The following PAX5 variants were observed in gnomAD, a reference collection of about 807,000 sequenced individuals.
PAX5 encodes the protein paired box 5, also known as paired box protein Pax-5.
A neutral mutation model predicts 43.7 loss-of-function variants in PAX5; 9 were observed. The ratio of observed to expected loss-of-function variants is 0.21; its 90% CI spans 0.12 to 0.36. PAX5 has a LOEUF of 0.36. Ranked by LOEUF, PAX5 falls within the 10% of genes least tolerant of loss-of-function variation. PAX5 has a pLI of 1.00. For synonymous variants in PAX5, 228 were observed against 214.3 expected (o/e 1.06, Z -0.56); for missense variants, 383 against 532.7 (o/e 0.72, Z 2.77).
intron 6 of PAX5, among the ~76,000 whole-genome samples, chr9:36,953,546 T>C (rs1833187077): frequency 6.6e-6 from 1 of 152,192 alleles, no homozygotes; most frequent in African/African-American, 2.4e-5. Flanking sequence ...TGCTTTTCAG[T>C]GTGGGAAAGT....
At chr9:36,962,736 T>C (rs1301042408) in intron 6 of PAX5, among the ~76,000 whole-genome samples, 2 of 152,160 alleles carry the variant, frequency 1.3e-5, no homozygotes, top group African/African-American at 4.8e-5. Flanking sequence ...CAGTAAGTGC[T>C]CTTTGTTCCC....
Position 36,840,299 on chromosome 9 carries a change from G to C in PAX5, c.*261C>G. 1.7e-6 allele frequency: 1 copy of C among 591,514 alleles called. No individual in the cohort carries two copies. Among genetic ancestry groups the C allele is most frequent in the South Asian group, 2.0e-5 (1 of 50,392 alleles). 36.6% of individuals were successfully genotyped at this position (591,514 alleles called of 1,614,324 possible). A position where few individuals can be genotyped will look rare whatever the true frequency, so the allele number is the denominator to read the frequency against. ...TGGGGCTGCGGTTATTTGCAGGACA[G>C]TCTATTGGTTTGCAGAGACCCAGTG... On this transcript the variant is annotated 3_prime_UTR_variant, in exon 10 of 10. Transcript: ENST00000358127.
intron 7 of PAX5, among the ~76,000 whole-genome samples, chr9:36,890,590 T>C (rs1364704379): frequency 6.6e-6 from 1 of 152,176 alleles, no homozygotes; most frequent in Non-Finnish European, 1.5e-5. Flanking sequence ...TGGGAACAGA[T>C]GGCCTCTGAG....
intron 6 of PAX5, among the ~76,000 whole-genome samples, chr9:36,942,741 T>A (rs1172539059): frequency 1.3e-5 from 2 of 152,242 alleles, no homozygotes; most frequent in African/African-American, 4.8e-5. Flanking sequence ...TTAATAAAAT[T>A]TTAACCTAGG....
chr9:36,927,641 G>A (rs573885937), intron 6 of PAX5, among the ~76,000 whole-genome samples: 17 of 152,224 alleles, frequency 1.1e-4, no homozygotes, highest in African/African-American at 4.1e-4. Flanking sequence ...CCAGGCCCTG[G>A]GGGACGGCGG....
intron 1 of PAX5, among the ~76,000 whole-genome samples, chr9:37,030,098 C>T (rs975289634): frequency 6.6e-6 from 1 of 152,198 alleles, no homozygotes; most frequent in African/African-American, 2.4e-5. Flanking sequence ...CGCCGATTCT[C>T]CCTTTCACAC....
At chr9:36,990,143 T>C (rs1411108966) in intron 5 of PAX5, among the ~76,000 whole-genome samples, 3 of 152,122 alleles carry the variant, frequency 2.0e-5, no homozygotes, top group Admixed American at 6.5e-5. Flanking sequence ...AAGAGCATAA[T>C]AAAAGGCACT....
chr9:37,022,870 C>G (rs948107273), intron 1 of PAX5, among the ~76,000 whole-genome samples: 3 of 152,146 alleles, frequency 2.0e-5, no homozygotes, highest in Non-Finnish European at 2.9e-5. Context: ...GACCTGGGAG[C>G]CTGTTACCTT....
intron 8 of PAX5, among the ~76,000 whole-genome samples, chr9:36,862,104 G>A (rs73648153): frequency 0.01 from 1,537 of 152,254 alleles, 25 homozygotes; most frequent in African/African-American, 0.035. Flanking sequence ...TAGAGGGAAA[G>A]CATGCTGAAT....
chr9:36,931,813 T>C (rs1172688965), intron 6 of PAX5, among the ~76,000 whole-genome samples: 2 of 144,568 alleles, frequency 1.4e-5, no homozygotes, highest in Non-Finnish European at 3.0e-5. Flanking sequence ...ATCGAGCCAC[T>C]GCATTCCAGC....
In PAX5 at chr9:36,838,378, C is replaced by T; in HGVS notation, c.*2182G>A. 1 of 232,800 alleles carries T rather than the reference C, an allele frequency of 4.3e-6. No homozygotes were observed. The highest frequency in any genetic ancestry group is 8.5e-6 in the Non-Finnish European group (1 of 117,766). The allele number at this position is 232,800 out of a possible 1,614,324, so 14.4% of individuals were successfully genotyped here. On this transcript the variant is annotated 3_prime_UTR_variant, in exon 10 of 10. Transcript: ENST00000358127. ...GGATAGACCAGGGTGACAGGGAACA[C>T]CATGGGTTGGGGGTCAGGAGCCCGA...
At position 36,945,410 on chromosome 9, in the gene PAX5, T is replaced by G. The variant is rs896516223; in HGVS notation, c.780+21139A>C. Among the ~76,000 whole-genome samples, 44 of 152,196 alleles carry G rather than the reference T, an allele frequency of 2.9e-4. 1 individual carries two copies. The highest frequency in any genetic ancestry group is 1.7e-3 in the South Asian group (8 of 4,822). ...GCATGAGCCACCATGCCCAGCTAATTTTTCAATTTTTTGTAGGGATGAGGT... is the reference window on the plus strand; with the variant it reads ...GCATGAGCCACCATGCCCAGCTAATGTTTCAATTTTTTGTAGGGATGAGGT... On this transcript the variant is annotated intron_variant, in intron 6 of 9. Coordinates refer to ENST00000358127, the MANE Select transcript of PAX5 (RefSeq NM_016734.3).
intron 7 of PAX5, among the ~76,000 whole-genome samples, chr9:36,906,795 C>T (rs1828863927): frequency 6.6e-6 from 1 of 152,238 alleles, no homozygotes; most frequent in South Asian, 2.1e-4. Context: ...ATGTAAGAAG[C>T]CCAGGCAGGG....
In PAX5 at chr9:36,837,107, G is replaced by A. The variant is rs773031616; in HGVS notation, c.*3453C>T. ...ATTTCTAGGGAATGGGGGTGGGGGA[G>A]TGTCTTTAAGCCATACACTCCCATG... On this transcript the variant is annotated 3_prime_UTR_variant, in exon 10 of 10. Coordinates refer to ENST00000358127, the MANE Select transcript of PAX5 (RefSeq NM_016734.3). The A allele has an allele frequency of 3.4e-5, 8 of 233,028 alleles. No homozygotes were observed. The highest frequency in any genetic ancestry group is 6.8e-5 in the Non-Finnish European group (8 of 118,028). The allele number at this position is 233,028 out of a possible 1,614,324, so 14.4% of individuals were successfully genotyped here.
chr9:36,998,560 T>G (rs1197893181), intron 5 of PAX5, among the ~76,000 whole-genome samples: 1 of 152,258 alleles, frequency 6.6e-6, no homozygotes, highest in East Asian at 1.9e-4. Flanking sequence ...AGAGCTGTGT[T>G]GTCCAATACA....
At chr9:36,923,286 T>A in intron 7 of PAX5, 69 bp downstream of exon 7, 1 of 1,540,852 alleles carries the variant, frequency 6.5e-7, no homozygotes, top group Non-Finnish European at 8.7e-7. Context: ...AAGAAGCCAC[T>A]CTTCCCACCA....
chr9:36,903,027 C>G (rs1186967258), intron 7 of PAX5, among the ~76,000 whole-genome samples: 1 of 152,316 alleles, frequency 6.6e-6, no homozygotes, highest in South Asian at 2.1e-4. Flanking sequence ...TTCCCCACCC[C>G]TCACCACCAG....
chr9:36,948,791 G>C (rs1209609938), intron 6 of PAX5, among the ~76,000 whole-genome samples: 1 of 151,282 alleles, frequency 6.6e-6, no homozygotes, highest in Non-Finnish European at 1.5e-5. Context: ...TAGCCACTTT[G>C]TCTCCCTGCG....
At chr9:37,010,555 G>A (rs1588218644) in intron 3 of PAX5, among the ~76,000 whole-genome samples, 1 of 152,132 alleles carries the variant, frequency 6.6e-6, no homozygotes, top group Admixed American at 6.5e-5. Context: ...TGGCATTTAA[G>A]GATCCCATGG....
Sources: allele counts gnomAD v4.1 joint callset (sites outside exome capture counted in the v4.1 genomes callset), GRCh38; gene constraint gnomAD v4.1.1; transcripts MANE v1.5; gene names NCBI Gene and HGNC (gene_info 2026-07-23, HGNC 2026-07-21).